RFX3: variants seen among roughly 807,000 people sequenced by gnomAD.
RFX3 encodes transcription factor RFX3.
RFX3 carries 14 observed loss-of-function variants against 98.6 expected under a neutral mutation model. The observed-to-expected ratio is 0.14, with a 90% confidence interval of 0.09 to 0.22. The LOEUF (loss-of-function observed/expected upper bound fraction) is 0.22. Ranked by LOEUF, RFX3 falls within the 10% of genes least tolerant of loss-of-function variation. RFX3 has a pLI of 1.00. For missense variants in RFX3, 639 were observed against 926.9 expected (o/e 0.69, Z 4.03); for synonymous variants, 383 against 328.4 (o/e 1.17, Z -1.80).
chr9:3,353,597 G>A (rs1434521231), intron 2 of RFX3, among the ~76,000 whole-genome samples: 2 of 151,924 alleles, frequency 1.3e-5, no homozygotes, highest in Non-Finnish European at 2.9e-5. Context: ...CTTAGTAGTA[G>A]GGCTGTACTA....
intron 2 of RFX3, among the ~76,000 whole-genome samples, chr9:3,358,903 G>C (rs547556596): frequency 6.6e-6 from 1 of 152,066 alleles, no homozygotes; most frequent in South Asian, 2.1e-4. Context: ...GATCTCATGA[G>C]AACTCACTCA....
At chr9:3,453,000 T>C (rs192181755) in intron 1 of RFX3, among the ~76,000 whole-genome samples, 2 of 152,300 alleles carry the variant, frequency 1.3e-5, no homozygotes, top group Admixed American at 1.3e-4. Context: ...AACATAGCCC[T>C]CTCTATTTAC....
chr9:3,390,740 G>A (rs1385194448), intron 2 of RFX3, among the ~76,000 whole-genome samples: 1 of 152,132 alleles, frequency 6.6e-6, no homozygotes, highest in Non-Finnish European at 1.5e-5. Flanking sequence ...TGCCACCCGT[G>A]TAAGACATGA....
intron 1 of RFX3, among the ~76,000 whole-genome samples, chr9:3,524,856 CA>C (rs1564205344): frequency 5.3e-5 from 8 of 151,036 alleles, no homozygotes; most frequent in African/African-American, 1.2e-4. Context: ...CACACACACA[CA>C]CACACACACA....
intron 1 of RFX3, among the ~76,000 whole-genome samples, chr9:3,446,091 G>A (rs1846023181): frequency 6.6e-6 from 1 of 152,052 alleles, no homozygotes; most frequent in Non-Finnish European, 1.5e-5. Flanking sequence ...CAAGCCCGAT[G>A]CCTGATATAT....
intron 4 of RFX3, among the ~76,000 whole-genome samples, chr9:3,326,815 C>T (rs891453383): frequency 1.3e-5 from 2 of 152,108 alleles, no homozygotes; most frequent in Non-Finnish European, 2.9e-5. Flanking sequence ...ACAGTGTTTG[C>T]TTTGTGCTGT....
chr9:3,381,835 A>C (rs577325377), intron 2 of RFX3, among the ~76,000 whole-genome samples: 19 of 152,268 alleles, frequency 1.2e-4, no homozygotes, highest in African/African-American at 4.6e-4. Flanking sequence ...TTGGTTAGCT[A>C]AGCGGATTTA....
intron 9 of RFX3, among the ~76,000 whole-genome samples, chr9:3,272,871 A>G (rs1162482741): frequency 1.3e-5 from 2 of 152,228 alleles, no homozygotes; most frequent in Non-Finnish European, 2.9e-5. Context: ...AGAATTCCCA[A>G]TAACAGGCAA....
chr9:3,376,678 T>C (rs992776553), intron 2 of RFX3, among the ~76,000 whole-genome samples: 2 of 151,988 alleles, frequency 1.3e-5, no homozygotes, highest in African/African-American at 2.4e-5. Flanking sequence ...GGGAGAAAAT[T>C]TTTGCAATCT....
intron 1 of RFX3, among the ~76,000 whole-genome samples, chr9:3,459,552 G>A (rs1047100005): frequency 6.6e-5 from 10 of 152,014 alleles, no homozygotes; most frequent in East Asian, 1.9e-4. Context: ...AAAGCGACCC[G>A]AATCAAAATA....
At chr9:3,300,903 G>A (rs764986363) in intron 5 of RFX3, among the ~76,000 whole-genome samples, 24 of 151,796 alleles carry the variant, frequency 1.6e-4, no homozygotes, top group Non-Finnish European at 2.8e-4. Flanking sequence ...AGTGATATCT[G>A]CATCTGATAA....
chr9:3,305,721 G>C (rs989929607), intron 4 of RFX3, among the ~76,000 whole-genome samples: 1 of 151,970 alleles, frequency 6.6e-6, no homozygotes, highest in Admixed American at 6.6e-5. Context: ...TATGGGGAGA[G>C]GTTGGGTAGA....
chr9:3,340,948 T>C (rs1386548641), intron 3 of RFX3, among the ~76,000 whole-genome samples: 1 of 152,186 alleles, frequency 6.6e-6, no homozygotes, highest in African/African-American at 2.4e-5. Context: ...TAAAGACACA[T>C]GCACACATAT....
intron 4 of RFX3, among the ~76,000 whole-genome samples, chr9:3,321,421 C>T (rs1411101522): frequency 6.6e-6 from 1 of 152,142 alleles, no homozygotes; most frequent in African/African-American, 2.4e-5. Flanking sequence ...TACCTATTTC[C>T]TTGCACACTT....
chr9:3,483,428 A>G (rs1282414973), intron 1 of RFX3, among the ~76,000 whole-genome samples: 2 of 152,240 alleles, frequency 1.3e-5, no homozygotes, highest in African/African-American at 4.8e-5. Context: ...TATTAAATAA[A>G]TATTTGTTGA....
intron 3 of RFX3, among the ~76,000 whole-genome samples, chr9:3,345,776 TGA>T (rs1177218814): frequency 2.6e-5 from 4 of 152,188 alleles, no homozygotes; most frequent in East Asian, 1.9e-4. Flanking sequence ...CTTCTGGTGT[TGA>T]GTTATTACAG....
intron 3 of RFX3, among the ~76,000 whole-genome samples, chr9:3,339,109 C>A (rs201479778): frequency 1.3e-5 from 2 of 151,712 alleles, no homozygotes; most frequent in East Asian, 3.9e-4. Context: ...TAAAATAATT[C>A]TTTTAGCCTA....
intron 2 of RFX3, among the ~76,000 whole-genome samples, chr9:3,363,861 C>T (rs1836751350): frequency 6.6e-6 from 1 of 152,152 alleles, no homozygotes; most frequent in Non-Finnish European, 1.5e-5. Context: ...AACAATAAAT[C>T]ATATACTAAA....
intron 6 of RFX3, among the ~76,000 whole-genome samples, chr9:3,290,344 A>C (rs1409644666): frequency 6.6e-6 from 1 of 152,088 alleles, no homozygotes; most frequent in African/African-American, 2.4e-5. Context: ...AAACCAAACA[A>C]CCCCAATTTT....
Sources: allele counts gnomAD v4.1 joint callset (sites outside exome capture counted in the v4.1 genomes callset), GRCh38; gene constraint gnomAD v4.1.1; transcripts MANE v1.5; gene names NCBI Gene and HGNC (gene_info 2026-07-23, HGNC 2026-07-21).